MIOS: variants seen among roughly 807,000 people sequenced by gnomAD.
The protein encoded by MIOS is GATOR2 complex protein MIOS.
In MIOS, 52 loss-of-function variants were observed where a neutral mutation model predicts 96.9. The observed-to-expected ratio is 0.54, with a 90% CI of 0.43 to 0.68. MIOS has a LOEUF of 0.68. Among genes scored for constraint, MIOS ranks in the 30% least tolerant of loss-of-function variants. MIOS has a pLI of 0.00. For missense variants in MIOS, 1,005 were observed against 1,052.8 expected (o/e 0.95, Z 0.63); for synonymous variants, 397 against 359.5 (o/e 1.10, Z -1.18).
chr7:7,598,251 T>C (rs1300659407), intron 11 of MIOS, among the ~76,000 whole-genome samples: 5 of 152,236 alleles, frequency 3.3e-5, no homozygotes, highest in Admixed American at 6.5e-5. Context: ...GAGAGTTACT[T>C]GCACCTTCCT....
intron 3 of MIOS, among the ~76,000 whole-genome samples, chr7:7,569,516 T>C (rs1163147422): frequency 2.6e-5 from 4 of 152,222 alleles, no homozygotes; most frequent in African/African-American, 7.2e-5. Flanking sequence ...AACTTGGAGA[T>C]AGCAGTTGTG....
At chr7:7,568,328 T>G (rs771231024) in intron 3 of MIOS, among the ~76,000 whole-genome samples, 1 of 152,192 alleles carries the variant, frequency 6.6e-6, no homozygotes, top group Non-Finnish European at 1.5e-5. Context: ...AGATTTTATC[T>G]CGGTTTTATG....
rs1784547434 is a variant in MIOS at position 7,606,911 on chromosome 7, C to A, written c.2532-85C>A. 3.7e-6 allele frequency: 4 copies of A among 1,076,288 alleles called. No homozygotes were observed. The South Asian group carries it at 5.4e-5, about 15-fold the overall frequency. The allele number at this position is 1,076,288 out of a possible 1,614,324, so 66.7% of individuals were successfully genotyped here. ...GTACAGCCTGGGAAATATAGGGAGA[C>A]CCTGTCTCTTAAAAAATAAATAAAT... On this transcript the variant is annotated intron_variant, in intron 12 of 12. Coordinates refer to ENST00000340080, the MANE Select transcript of MIOS (RefSeq NM_019005.4).
intron 5 of MIOS, among the ~76,000 whole-genome samples, chr7:7,582,431 A>G (rs1470756562): frequency 1.3e-5 from 2 of 152,202 alleles, no homozygotes; most frequent in African/African-American, 4.8e-5. Context: ...TGTCATTAGG[A>G]TCAACTGCCT....
chr7:7,588,378 A>T, intron 7 of MIOS, 120 bp from the exon 8 acceptor site: 1 of 481,322 alleles, frequency 2.1e-6, no homozygotes, highest in Non-Finnish European at 3.5e-6. Flanking sequence ...GATAAATATA[A>T]CTTATTAATA....
At chr7:7,583,473 A>G (rs1783794487) in intron 6 of MIOS, 101 bp downstream of exon 6, 3 of 1,264,148 alleles carry the variant, frequency 2.4e-6, no homozygotes, top group African/African-American at 1.5e-5. Context: ...ATATCTAATC[A>G]CTTAAAATTT....
At chr7:7,588,454 C>T (rs768809842) in intron 7 of MIOS, 44 bp from the exon 8 acceptor site, 1 of 1,289,986 alleles carries the variant, frequency 7.8e-7, no homozygotes, top group South Asian at 1.8e-5. Context: ...AATTTAAAAC[C>T]AGTGCGCCTA....
At chr7:7,583,093 A>AT (rs749278177) in intron 5 of MIOS, 25 bp from the exon 6 acceptor site, 2 of 1,587,326 alleles carry the variant, frequency 1.3e-6, no homozygotes, top group Non-Finnish European at 1.7e-6. Flanking sequence ...AAATAAAACA[A>AT]TATAAAAATG....
chr7:7,570,922 A>ACC (rs1432666111), intron 3 of MIOS, among the ~76,000 whole-genome samples: 2 of 152,038 alleles, frequency 1.3e-5, no homozygotes, highest in Non-Finnish European at 2.9e-5. Flanking sequence ...GGAGTTGGGG[A>ACC]CCCCTGGTCT....
intron 11 of MIOS, among the ~76,000 whole-genome samples, chr7:7,602,283 T>C (rs531993540): frequency 1.0e-3 from 153 of 152,318 alleles, no homozygotes; most frequent in African/African-American, 3.2e-3. Flanking sequence ...GAAGTCAAAT[T>C]GTCCCTGTTT....
intron 3 of MIOS, among the ~76,000 whole-genome samples, chr7:7,571,846 A>G (rs1783365757): frequency 6.6e-6 from 1 of 152,240 alleles, no homozygotes; most frequent in Non-Finnish European, 1.5e-5. Context: ...ATGACATTGT[A>G]CTTTAAATCT....
At position 7,597,488 on chromosome 7, in the gene MIOS, AT is replaced by A. The variant is rs1563040876; in HGVS notation, c.2401+1028del. ...TAAATTTATATATATATATATATAT[AT>A]ATATATATATATATATATATATATA... On this transcript the variant is annotated intron_variant, in intron 11 of 12. Coordinates refer to ENST00000340080, the MANE Select transcript of MIOS (RefSeq NM_019005.4). Among the ~76,000 whole-genome samples, 154 of 60,382 alleles carry A rather than the reference AT, an allele frequency of 2.6e-3. 15 individuals are homozygous for A. The highest frequency in any genetic ancestry group is 9.8e-3 in the South Asian group (21 of 2,138). 39.6% of individuals were successfully genotyped at this position (60,382 alleles called of 152,430 possible). A position where few individuals can be genotyped will look rare whatever the true frequency, so the allele number is the denominator to read the frequency against.
At chr7:7,584,762 A>C (rs933971498) in intron 6 of MIOS, among the ~76,000 whole-genome samples, 1 of 152,186 alleles carries the variant, frequency 6.6e-6, no homozygotes, top group African/African-American at 2.4e-5. Context: ...TTAAAAGTCA[A>C]AGTTAAAGGA....
intron 9 of MIOS, among the ~76,000 whole-genome samples, chr7:7,589,818 T>G (rs938768905): frequency 5.9e-5 from 9 of 152,188 alleles, no homozygotes; most frequent in African/African-American, 1.9e-4. Context: ...AAAGCTCAAA[T>G]TGAATAGAGA....
At chr7:7,606,946 T>A in intron 12 of MIOS, 50 bp from the exon 13 acceptor site, 1 of 1,291,274 alleles carries the variant, frequency 7.7e-7, no homozygotes, top group Non-Finnish European at 1.1e-6. Flanking sequence ...TAAATAAATG[T>A]ATGTCTGTCT....
chr7:7,606,115 G>GA lies in MIOS; in HGVS notation c.2531+45dup, dbSNP rs1336775393. The GA allele has an allele frequency of 1.9e-6, 3 of 1,598,762 alleles. No individual in the cohort carries two copies. In the Admixed American group the frequency reaches 5.1e-5, roughly 27 times the overall value. ...CTTTGATAGGCTTGGAGTTATGGGG[G>GA]ATAACACAGATTGCTTCTAAATAGT... On this transcript the variant is annotated intron_variant, in intron 12 of 12. Transcript: ENST00000340080.
intron 5 of MIOS, among the ~76,000 whole-genome samples, chr7:7,578,972 A>T (rs181019685): frequency 1.3e-5 from 2 of 152,162 alleles, no homozygotes; most frequent in Non-Finnish European, 2.9e-5. Flanking sequence ...CGGGCTCCCA[A>T]AGTGCTGGGA....
chr7:7,573,548 T>C lies in MIOS; in HGVS notation c.1073T>C (p.Leu358Pro). The C allele has an allele frequency of 6.2e-7, 1 of 1,612,856 alleles. No homozygotes were observed. The highest frequency in any genetic ancestry group is 8.5e-7 in the Non-Finnish European group (1 of 1,178,850). Reference protein sequence around the residue: ...SDFTVFERISLAWSPITSLMW... With the variant: ...SDFTVFERISPAWSPITSLMW... Reference sequence around the variant, plus strand: ...TTCACTGTTTTTGAAAGGATATCTCTTGCCTGGAGCCCAATTACATCTTTA... The same window carrying C: ...TTCACTGTTTTTGAAAGGATATCTCCTGCCTGGAGCCCAATTACATCTTTA... The change falls in exon 4 of 13, where the codon CTT (leucine) becomes CCT (proline). Residue 358 changes from leucine to proline, a missense_variant. Physicochemically the swap from Leu to Pro is moderately conservative, Grantham distance 98 (BLOSUM62 -3). This residue lies in a region of MIOS where 865 missense variants were observed against 887.9 expected (regional missense o/e 0.97). Transcript: ENST00000340080. The surrounding 1 kb of genome is among the most constrained non-coding windows in gnomAD (Gnocchi z 5.0).
At chr7:7,583,061 CTT>C in intron 5 of MIOS, 55 bp from the exon 6 acceptor site, 4 of 1,512,364 alleles carry the variant, frequency 2.6e-6, no homozygotes, top group South Asian at 1.3e-5. Context: ...GTAAAACTGA[CTT>C]ACTTTCCAAA....
Sources: allele counts gnomAD v4.1 joint callset (sites outside exome capture counted in the v4.1 genomes callset), GRCh38; gene constraint gnomAD v4.1.1; regional missense constraint gnomAD v4.1.1; non-coding constraint Gnocchi (gnomAD v3.1); transcripts MANE v1.5; gene names NCBI Gene and HGNC (gene_info 2026-07-23, HGNC 2026-07-21).